The following SLC38A1 variants were observed in gnomAD, a reference collection of about 807,000 sequenced individuals.
The protein encoded by SLC38A1 is sodium-coupled neutral amino acid symporter 1.
Under a neutral mutation model 60.3 loss-of-function variants are expected in SLC38A1, and 18 were observed. The ratio of observed to expected loss-of-function variants is 0.30; its 90% CI spans 0.21 to 0.44. The LOEUF is 0.44. Among genes scored for constraint, SLC38A1 ranks in the 20% least tolerant of loss-of-function variants. The pLI is 1.00. For synonymous variants in SLC38A1, 196 were observed against 212.1 expected (o/e 0.92, Z 0.66); for missense variants, 448 against 587.2 (o/e 0.76, Z 2.45).
At chr12:46,240,761 T>C (rs974033037) in intron 2 of SLC38A1, among the ~76,000 whole-genome samples, 22 of 152,332 alleles carry the variant, frequency 1.4e-4, no homozygotes, top group Middle Eastern at 3.4e-3. Context: ...AATCACTTTA[T>C]GTCAGGGAAT....
At chr12:46,238,559 C>G (rs1391174937) in intron 3 of SLC38A1, among the ~76,000 whole-genome samples, 3 of 152,206 alleles carry the variant, frequency 2.0e-5, no homozygotes, top group Admixed American at 6.5e-5. Context: ...ATATGTCACT[C>G]TCTTCTCCTA....
At chr12:46,214,270 C>T (rs1435734963) in intron 5 of SLC38A1, among the ~76,000 whole-genome samples, 1 of 151,650 alleles carries the variant, frequency 6.6e-6, no homozygotes, top group African/African-American at 2.4e-5. Flanking sequence ...GTGGCATGAG[C>T]AAAAAAAGAA....
intron 16 of SLC38A1, among the ~76,000 whole-genome samples, chr12:46,192,596 G>C (rs893004176): frequency 4.6e-5 from 7 of 152,038 alleles, no homozygotes; most frequent in Non-Finnish European, 1.0e-4. Context: ...ATTATTTATT[G>C]CCTCAATTTC....
intron 3 of SLC38A1, among the ~76,000 whole-genome samples, chr12:46,233,977 G>C (rs897035432): frequency 1.3e-5 from 2 of 152,178 alleles, no homozygotes; most frequent in Non-Finnish European, 2.9e-5. Flanking sequence ...GATACAATCA[G>C]TGCATTCTGA....
chr12:46,252,998 A>AG (rs1413199478), intron 1 of SLC38A1, among the ~76,000 whole-genome samples: 1 of 121,680 alleles, frequency 8.2e-6, no homozygotes, highest in Non-Finnish European at 1.8e-5. Flanking sequence ...CTTTTTTTGA[A>AG]AAAAAAAAAA....
At chr12:46,245,016 C>T (rs1941568171) in intron 1 of SLC38A1, among the ~76,000 whole-genome samples, 1 of 152,130 alleles carries the variant, frequency 6.6e-6, no homozygotes, top group Admixed American at 6.5e-5. Context: ...CCACCATCAC[C>T]TGGAATTATT....
intron 1 of SLC38A1, among the ~76,000 whole-genome samples, chr12:46,257,431 C>A (rs1942067572): frequency 1.3e-5 from 2 of 152,266 alleles, no homozygotes; most frequent in Middle Eastern, 3.4e-3. Flanking sequence ...GAGGCTTTAA[C>A]CCTCTCTGTC....
In SLC38A1 at chr12:46,239,343, GAGAC is replaced by G. The variant is rs553001786; in HGVS notation, c.122+332_122+335del. On this transcript the variant is annotated intron_variant, in intron 3 of 16. Transcript: ENST00000398637. ...TTCTTTACTTTTTTTTTTTTTTTCT[GAGAC>G]AGAGTTTCACTCTGTCATCCAGGCT... The G allele has an allele frequency of 2.8e-3, 321 of 116,574 alleles. 3 individuals carry two copies. The highest frequency in any genetic ancestry group is 0.012 in the South Asian group (47 of 3,790). 7.2% of individuals were successfully genotyped at this position (116,574 alleles called of 1,614,324 possible). A position where few individuals can be genotyped will look rare whatever the true frequency, so the allele number is the denominator to read the frequency against.
At chr12:46,221,721 T>C (rs961008561) in intron 5 of SLC38A1, among the ~76,000 whole-genome samples, 1 of 152,200 alleles carries the variant, frequency 6.6e-6, no homozygotes, top group Admixed American at 6.5e-5. Context: ...AAGGAAGAAT[T>C]TGGCATTAAT....
rs181984675 is a variant in SLC38A1, at chr12:46,247,045, C to A, written c.-208-3731G>T. Among the ~76,000 whole-genome samples, 29 of 152,174 alleles carry A rather than the reference C, an allele frequency of 1.9e-4. No homozygotes were observed. In the East Asian group the frequency reaches 5.2e-3, roughly 27 times the overall value. On this transcript the variant is annotated intron_variant, in intron 1 of 16. Transcript: ENST00000398637. The stretch of plus-strand genomic sequence containing the variant: ...ATCTGTAGGTCACCAACATCAAAGA[C>A]CAAAGGTAGATAAAACCACAAAGAT...
At chr12:46,221,795 G>T (rs921373643) in intron 5 of SLC38A1, among the ~76,000 whole-genome samples, 5 of 152,178 alleles carry the variant, frequency 3.3e-5, no homozygotes, top group African/African-American at 9.7e-5. Context: ...TAATGGAAGT[G>T]ATACTTACTA....
rs1941503808 is a variant in SLC38A1 at position 46,243,226 on chromosome 12, C to G, written c.-120G>C. ...TGTTAGCTCAGCAAGCAGAGACGAT[C>G]ACTCTATATATATTGTTGTATGGCC... On this transcript the variant is annotated 5_prime_UTR_variant, in exon 2 of 17. Coordinates refer to ENST00000398637, the MANE Select transcript of SLC38A1 (RefSeq NM_030674.4). 1 of 151,824 alleles carries G rather than the reference C, an allele frequency of 6.6e-6. No homozygotes were observed. Among genetic ancestry groups the G allele is most frequent in the Non-Finnish European group, 1.5e-5 (1 of 67,966 alleles). 9.4% of individuals were successfully genotyped at this position (151,824 alleles called of 1,614,324 possible).
At chr12:46,222,534 C>T (rs773406415) in intron 5 of SLC38A1, among the ~76,000 whole-genome samples, 44 of 152,182 alleles carry the variant, frequency 2.9e-4, no homozygotes, top group African/African-American at 8.4e-4. Context: ...CTATGTTCCC[C>T]GTTACAACCT....
Position 46,268,849 on chromosome 12 carries a change from C to A in SLC38A1, c.-532G>T. On this transcript the variant is annotated 5_prime_UTR_variant, in exon 1 of 17. Transcript: ENST00000398637. This position sits in a 1 kb window ranked among gnomAD's most constrained non-coding sequence, Gnocchi z 4.4. ...CCAACCCCCACTCACACTCTGCTCG[C>A]CGGCCTCGCACTTACATCGACATGC... The A allele has an allele frequency of 2.2e-6, 1 of 454,052 alleles. No homozygotes were observed. Among genetic ancestry groups the A allele is most frequent in the Non-Finnish European group, 4.4e-6 (1 of 225,244 alleles). 28.1% of individuals were successfully genotyped at this position (454,052 alleles called of 1,614,324 possible).
chr12:46,219,276 C>CAGAA (rs1940552122), intron 5 of SLC38A1, among the ~76,000 whole-genome samples: 1 of 152,222 alleles, frequency 6.6e-6, no homozygotes, highest in Admixed American at 6.5e-5. Context: ...TGATTTCTTT[C>CAGAA]ACTGTCATAA....
chr12:46,264,686 T>C (rs1401491896), intron 1 of SLC38A1, among the ~76,000 whole-genome samples: 1 of 152,198 alleles, frequency 6.6e-6, no homozygotes, highest in African/African-American at 2.4e-5. Context: ...TTGAAAGTGA[T>C]GAAATCTGAG....
intron 1 of SLC38A1, among the ~76,000 whole-genome samples, chr12:46,250,555 TTTGCAGA>T (rs1941799838): frequency 6.6e-6 from 1 of 152,204 alleles, no homozygotes; most frequent in African/African-American, 2.4e-5. Flanking sequence ...ACTGTCCCTA[TTTGCAGA>T]TGACATGATT....
At chr12:46,228,363 C>A (rs1940945860) in intron 5 of SLC38A1, among the ~76,000 whole-genome samples, 1 of 152,112 alleles carries the variant, frequency 6.6e-6, no homozygotes, top group East Asian at 1.9e-4. Context: ...AAATGATGCT[C>A]CTGTCAAAAG....
chr12:46,246,993 CA>C (rs1232152651), intron 1 of SLC38A1, among the ~76,000 whole-genome samples: 1 of 152,122 alleles, frequency 6.6e-6, no homozygotes, highest in Non-Finnish European at 1.5e-5. Context: ...TCAACATCAA[CA>C]AAAAGGACAT....
Sources: allele counts gnomAD v4.1 joint callset (sites outside exome capture counted in the v4.1 genomes callset), GRCh38; gene constraint gnomAD v4.1.1; non-coding constraint Gnocchi (gnomAD v3.1); transcripts MANE v1.5; gene names NCBI Gene and HGNC (gene_info 2026-07-23, HGNC 2026-07-21).